ONECUT2: variants seen among roughly 807,000 people sequenced by gnomAD.
The protein encoded by ONECUT2 is one cut domain family member 2.
Under a neutral mutation model 27.9 loss-of-function variants are expected in ONECUT2, and 10 were observed. That is an observed-to-expected ratio of 0.36 (90% confidence interval 0.22 to 0.61). The LOEUF (loss-of-function observed/expected upper bound fraction) is 0.61, where lower values mean the gene tolerates loss of function less well. Ranked by LOEUF, ONECUT2 falls within the 20% of genes least tolerant of loss-of-function variation. ONECUT2 has a pLI of 0.73. For synonymous variants in ONECUT2, 334 were observed against 315.1 expected, an observed-to-expected ratio of 1.06 and a Z score of -0.64; for missense variants, 686 against 721.0, an observed-to-expected ratio of 0.95 and a Z score of 0.56.
intron 1 of ONECUT2, among the ~76,000 whole-genome samples, chr18:57,470,546 T>A (rs649146): frequency 0.65 from 98,245 of 151,954 alleles, 33,527 homozygotes; most frequent in Middle Eastern, 0.8. Flanking sequence ...TTCAGTTCCT[T>A]ATGTGAAACT....
chr18:57,477,488 A>T lies in ONECUT2; in HGVS notation c.*765A>T, dbSNP rs529030425. The T allele has an allele frequency of 6.6e-6, 1 of 152,608 alleles. No homozygotes were observed. The highest frequency in any genetic ancestry group is 1.5e-5 in the Non-Finnish European group (1 of 68,048). 9.5% of individuals were successfully genotyped at this position (152,608 alleles called of 1,614,324 possible). On this transcript the variant is annotated 3_prime_UTR_variant, in exon 2 of 2. Transcript: ENST00000491143. ...CAGTCAGTTCACTTGCGCTCAAAGT[A>T]TCAAGCACAACAAAGATAAACAGAA...
In ONECUT2 at chr18:57,469,028, A is replaced by G. The variant is rs187610972; in HGVS notation, c.1229-7409A>G. Reference sequence around the variant, plus strand: ...GTTATTTCCATTCTTCTTACCTCAAACACCTGTAGGTTTCTCAGGGAACAA... The same window carrying G: ...GTTATTTCCATTCTTCTTACCTCAAGCACCTGTAGGTTTCTCAGGGAACAA... On this transcript the variant is annotated intron_variant, in intron 1 of 1. Coordinates refer to ENST00000491143, the MANE Select transcript of ONECUT2 (RefSeq NM_004852.3). Among the ~76,000 whole-genome samples, 437 of 152,264 alleles carry G rather than the reference A, an allele frequency of 2.9e-3. 3 individuals are homozygous for G. Among genetic ancestry groups the G allele is most frequent in the Non-Finnish European group, 3.8e-3 (258 of 68,010 alleles).
chr18:57,453,879 T>A (rs968100513), intron 1 of ONECUT2, among the ~76,000 whole-genome samples: 1 of 152,130 alleles, frequency 6.6e-6, no homozygotes, highest in African/African-American at 2.4e-5. Flanking sequence ...CCCTTATTTT[T>A]CAACTCCACC....
chr18:57,447,911 C>T (rs2050209687), intron 1 of ONECUT2, among the ~76,000 whole-genome samples: 1 of 152,158 alleles, frequency 6.6e-6, no homozygotes, highest in South Asian at 2.1e-4. Flanking sequence ...GAAAACCTTG[C>T]CACTGCTTCT....
At position 57,476,823 on chromosome 18, in the gene ONECUT2, T is replaced by G. The variant is rs2050385975; in HGVS notation, c.*100T>G. ...GACACCGGATTCCTAGCTGGGGCCC[T>G]TCACTGGTGATTTGAAAGCACAATT... On this transcript the variant is annotated 3_prime_UTR_variant, in exon 2 of 2. Transcript: ENST00000491143. 1.5e-5 allele frequency: 19 copies of G among 1,276,032 alleles called. No homozygotes were observed. Among genetic ancestry groups the G allele is most frequent in the South Asian group, 9.1e-5 (6 of 66,096 alleles). 79.0% of individuals were successfully genotyped at this position (1,276,032 alleles called of 1,614,324 possible). A position where few individuals can be genotyped will look rare whatever the true frequency, so the allele number is the denominator to read the frequency against.
At position 57,443,151 on chromosome 18, in the gene ONECUT2, T is replaced by C. The variant is rs148873652; in HGVS notation, c.1228+6207T>C. Among the ~76,000 whole-genome samples the C allele has an allele frequency of 2.4e-4, 37 of 152,224 alleles. 1 individual carries two copies. Among genetic ancestry groups the C allele is most frequent in the African/African-American group, 8.2e-4 (34 of 41,526 alleles). On this transcript the variant is annotated intron_variant, in intron 1 of 1. Transcript: ENST00000491143. ...ACTGTCTTCATGAAAAGTGGTATCA[T>C]GGAGGGGGATCCCTGGAGCAAGGAA...
Position 57,436,478 on chromosome 18 carries a change from C to A in ONECUT2, c.762C>A (p.His254Gln), listed in dbSNP as rs767209341. 6.2e-7 allele frequency: 1 copy of A among 1,613,244 alleles called. No individual in the cohort carries two copies. The highest frequency in any genetic ancestry group is 1.3e-5 in the African/African-American group (1 of 75,060). ...QSLPNYGPPG[H>Q]DKMLSPNFDA... ...TGCCCAACTACGGTCCGCCGGGCCA[C>A]GACAAAATGCTCAGCCCCAACTTCG... The change falls in exon 1 of 2, where the codon CAC becomes CAA. Residue 254 changes from histidine to glutamine, a missense_variant. By Grantham distance (24) the His-to-Gln change is conservative. This residue lies in a region of ONECUT2 where 511 missense variants were observed against 488.1 expected (regional missense o/e 1.05). Transcript: ENST00000491143. This position sits in a 1 kb window ranked among gnomAD's most constrained non-coding sequence, Gnocchi z 5.9.
At chr18:57,472,940 C>G (rs904485703) in intron 1 of ONECUT2, among the ~76,000 whole-genome samples, 1 of 152,220 alleles carries the variant, frequency 6.6e-6, no homozygotes, top group African/African-American at 2.4e-5. Context: ...ATTTTGTTAT[C>G]AGGAGATTAT....
chr18:57,476,524 G>A lies in ONECUT2; in HGVS notation c.1316G>A (p.Arg439Gln), dbSNP rs767758855. The change falls in exon 2 of 2, where the codon CGA becomes CAA. Residue 439 changes from arginine to glutamine, a missense_variant. Physicochemically the swap from Arg to Gln is conservative, Grantham distance 43. Around this residue, in one of 4 missense-constraint regions of ONECUT2, gnomAD observed 77 missense variants for 105.5 expected, o/e 0.73. Transcript: ENST00000491143. ...SRLVFTDLQRRTLFAIFKENK... is the reference protein window; with the variant it reads ...SRLVFTDLQRQTLFAIFKENK... Reference sequence around the variant, plus strand: ...CTGGTGTTCACTGACCTCCAACGCCGAACACTCTTCGCCATCTTCAAGGAG... The same window carrying A: ...CTGGTGTTCACTGACCTCCAACGCCAAACACTCTTCGCCATCTTCAAGGAG... 13 of 1,614,040 alleles carry A rather than the reference G, an allele frequency of 8.1e-6. No homozygotes were observed. Among genetic ancestry groups the A allele is most frequent in the African/African-American group, 4.0e-5 (3 of 74,908 alleles).
In ONECUT2 at chr18:57,478,170, C is replaced by G. The variant is rs940205667; in HGVS notation, c.*1447C>G. ...GGACCAGCTACACCAAGGACATTAG[C>G]CAAGCCACCCAGAGGGGTGGCTTTG... On this transcript the variant is annotated 3_prime_UTR_variant, in exon 2 of 2. Transcript: ENST00000491143. 6.6e-6 allele frequency: 1 copy of G among 152,652 alleles called. No homozygotes were observed. The highest frequency in any genetic ancestry group is 2.4e-5 in the African/African-American group (1 of 41,440). 9.5% of individuals were successfully genotyped at this position (152,652 alleles called of 1,614,324 possible). A position where few individuals can be genotyped will look rare whatever the true frequency, so the allele number is the denominator to read the frequency against.
intron 1 of ONECUT2, among the ~76,000 whole-genome samples, chr18:57,465,419 C>T (rs905017458): frequency 2.6e-5 from 4 of 152,246 alleles, no homozygotes; most frequent in African/African-American, 7.2e-5. Context: ...CCGCCTTGGC[C>T]TCCCAAAGTG....
chr18:57,490,932 G>C lies in ONECUT2; in HGVS notation c.*14209G>C, dbSNP rs984911043. On this transcript the variant is annotated 3_prime_UTR_variant, in exon 2 of 2. Coordinates refer to ENST00000491143, the MANE Select transcript of ONECUT2 (RefSeq NM_004852.3). ...GCACACTATTACCGTCTTTCACCCTGCGCTATATTTCCAAAGTGTATTATA... is the reference window on the plus strand; with the variant it reads ...GCACACTATTACCGTCTTTCACCCTCCGCTATATTTCCAAAGTGTATTATA... 2.6e-5 allele frequency: 4 copies of C among 152,546 alleles called. No homozygotes were observed. Among genetic ancestry groups the C allele is most frequent in the African/African-American group, 9.7e-5 (4 of 41,406 alleles). The allele number at this position is 152,546 out of a possible 1,614,324, so 9.4% of individuals were successfully genotyped here. A position where few individuals can be genotyped will look rare whatever the true frequency, so the allele number is the denominator to read the frequency against.
rs904657664 is a variant in ONECUT2 at position 57,477,483 on chromosome 18, A to G, written c.*760A>G. On this transcript the variant is annotated 3_prime_UTR_variant, in exon 2 of 2. Coordinates refer to ENST00000491143, the MANE Select transcript of ONECUT2 (RefSeq NM_004852.3). ...AAAACCAGTCAGTTCACTTGCGCTC[A>G]AAGTATCAAGCACAACAAAGATAAA... The G allele has an allele frequency of 1.3e-5, 2 of 152,644 alleles. No homozygotes were observed. Among genetic ancestry groups the G allele is most frequent in the Admixed American group, 6.5e-5 (1 of 15,286 alleles). 9.5% of individuals were successfully genotyped at this position (152,644 alleles called of 1,614,324 possible). A position where few individuals can be genotyped will look rare whatever the true frequency, so the allele number is the denominator to read the frequency against.
In ONECUT2 at chr18:57,487,952, C is replaced by G. The variant is rs909260338; in HGVS notation, c.*11229C>G. 6.6e-6 allele frequency: 1 copy of G among 152,190 alleles called. No individual in the cohort carries two copies. The allele number at this position is 152,190 out of a possible 1,614,324, so 9.4% of individuals were successfully genotyped here. ...CAAAATGCTTGACATAAAGCCAAATCAACTGCCAAGCACACTTTATTTTGC... is the reference window on the plus strand; with the variant it reads ...CAAAATGCTTGACATAAAGCCAAATGAACTGCCAAGCACACTTTATTTTGC... On this transcript the variant is annotated 3_prime_UTR_variant, in exon 2 of 2. Coordinates refer to ENST00000491143, the MANE Select transcript of ONECUT2 (RefSeq NM_004852.3).
At chr18:57,457,589 T>C (rs1385815768) in intron 1 of ONECUT2, among the ~76,000 whole-genome samples, 2 of 152,036 alleles carry the variant, frequency 1.3e-5, no homozygotes, top group East Asian at 3.9e-4. Context: ...TCAGTTGTGT[T>C]TGCTCAGTAG....
intron 1 of ONECUT2, among the ~76,000 whole-genome samples, chr18:57,455,739 G>A (rs2050255533): frequency 6.6e-6 from 1 of 152,324 alleles, no homozygotes; most frequent in South Asian, 2.1e-4. Context: ...GAAGCCTGCA[G>A]TGAGGACTGG....
At position 57,483,141 on chromosome 18, in the gene ONECUT2, CAAAG is replaced by C. The variant is rs2050423900; in HGVS notation, c.*6422_*6425del. ...AAAAGAAAAAAAAAAAAAGAAAAAA[CAAAG>C]AAAAAGAAGAAAAAATAATAAAGTC... On this transcript the variant is annotated 3_prime_UTR_variant, in exon 2 of 2. Coordinates refer to ENST00000491143, the MANE Select transcript of ONECUT2 (RefSeq NM_004852.3). The C allele has an allele frequency of 6.8e-6, 1 of 147,332 alleles. No homozygotes were observed. Among genetic ancestry groups the C allele is most frequent in the Non-Finnish European group, 1.5e-5 (1 of 66,554 alleles). 9.1% of individuals were successfully genotyped at this position (147,332 alleles called of 1,614,324 possible).
intron 1 of ONECUT2, among the ~76,000 whole-genome samples, chr18:57,457,343 C>A (rs184971030): frequency 1.3e-5 from 2 of 152,306 alleles, no homozygotes; most frequent in Admixed American, 1.3e-4. Context: ...CACAAGTCTG[C>A]TGAAACTGAA....
intron 1 of ONECUT2, among the ~76,000 whole-genome samples, chr18:57,451,950 C>T (rs972205941): frequency 5.3e-5 from 8 of 151,808 alleles, no homozygotes; most frequent in Admixed American, 2.0e-4. Context: ...ATGGGGGGGG[C>T]GGTGTTGGTG....
Sources: gnomAD v4.1 joint callset for allele counts (sites outside exome capture counted in the v4.1 genomes callset) on GRCh38, gnomAD v4.1.1 for gene constraint, gnomAD v4.1.1 regional missense constraint, Gnocchi (gnomAD v3.1) non-coding constraint, MANE v1.5 for transcripts, NCBI Gene and HGNC (gene_info 2026-07-23, HGNC 2026-07-21) for gene names.